Variants in KLRG1 observed in about 807,000 individuals in gnomAD.
KLRG1 encodes killer cell lectin like receptor G1, also known as killer cell lectin-like receptor subfamily G member 1.
KLRG1 carries 16 observed loss-of-function variants against 21.8 expected under a neutral mutation model. The observed-to-expected ratio is 0.73, with a 90% CI of 0.50 to 1.11. The LOEUF is 1.11. KLRG1 is among the 50% of genes most tolerant of loss of function. The pLI is 0.00. For missense variants in KLRG1, 173 were observed against 218.3 expected (o/e 0.79, Z 1.31); for synonymous variants, 69 against 75.9 (o/e 0.91, Z 0.47).
the KLRG1 span, among the ~76,000 whole-genome samples, chr12:9,114,896 A>T: frequency 1.1e-4 from 16 of 152,334 alleles, no homozygotes; most frequent in Non-Finnish European, 2.1e-4. Context: ...AATACAAAGT[A>T]TGATTCATAC....
chr12:8,966,396 C>T (rs1946473065), intron 1 of KLRG1, among the ~76,000 whole-genome samples: 1 of 152,026 alleles, frequency 6.6e-6, no homozygotes, highest in Non-Finnish European at 1.5e-5. Context: ...TCAGAGTGAA[C>T]AGGCAACCTA....
At chr12:9,112,601 T>C in the KLRG1 span, 11 of 1,571,858 alleles carry the variant, frequency 7.0e-6, no homozygotes, top group Non-Finnish European at 8.7e-6. Context: ...CTATTTGCTG[T>C]TGCACTCTTC....
chr12:8,967,412 A>T (rs951280944), intron 1 of KLRG1, among the ~76,000 whole-genome samples: 1 of 152,190 alleles, frequency 6.6e-6, no homozygotes, highest in Non-Finnish European at 1.5e-5. Flanking sequence ...TTTAATTTTT[A>T]AAGATATCTC....
chr12:8,986,232 T>C (rs1174287657), upstream of KLRG1, among the ~76,000 whole-genome samples: 1 of 152,208 alleles, frequency 6.6e-6, no homozygotes, highest in Non-Finnish European at 1.5e-5. Flanking sequence ...CAGTGAACCC[T>C]GTTCATGTGG....
chr12:8,999,482 C>T (rs557566576), intron 3 of KLRG1, among the ~76,000 whole-genome samples: 5 of 152,188 alleles, frequency 3.3e-5, no homozygotes, highest in Admixed American at 6.5e-5. Flanking sequence ...TGGGATTCCC[C>T]GAGCTTTTGA....
At chr12:9,179,465 A>G in the KLRG1 span, among the ~76,000 whole-genome samples, 1 of 152,218 alleles carries the variant, frequency 6.6e-6, no homozygotes. Context: ...TAATATAACT[A>G]TAGTCAAAAG....
At chr12:9,123,121 A>G in the KLRG1 span, among the ~76,000 whole-genome samples, 1 of 152,202 alleles carries the variant, frequency 6.6e-6, no homozygotes, top group Admixed American at 6.5e-5. Context: ...TTTAGGACAT[A>G]ATTTTATAAA....
At chr12:8,971,388 CTTAT>C (rs142447135) in intron 1 of KLRG1, among the ~76,000 whole-genome samples, 28,733 of 151,860 alleles carry the variant, frequency 0.19, 3,243 homozygotes, top group Admixed American at 0.28. Flanking sequence ...ATAACATTAC[CTTAT>C]TATACTTTTA....
the KLRG1 span, among the ~76,000 whole-genome samples, chr12:9,046,158 GCTGAGGAAAGAATCAGTGAGCTT>G: frequency 6.6e-6 from 1 of 152,148 alleles, no homozygotes; most frequent in African/African-American, 2.4e-5. Context: ...TCTGGACATG[GCTGAGGAAAGAATCAGTGAGCTT>G]GAAACTGAAA....
the KLRG1 span, chr12:9,079,533 T>G: frequency 1.7e-6 from 2 of 1,151,812 alleles, no homozygotes; most frequent in Non-Finnish European, 2.5e-6. Flanking sequence ...GCAGCTATCA[T>G]AGTGAGCTAA....
chr12:8,977,207 ATT>A (rs34727740), intron 1 of KLRG1, among the ~76,000 whole-genome samples: 157 of 142,058 alleles, frequency 1.1e-3, no homozygotes, highest in Middle Eastern at 3.6e-3. Flanking sequence ...CTAGCTACTG[ATT>A]TTTTTTTTTT....
At chr12:9,115,892 C>T in the KLRG1 span, 5 of 1,478,690 alleles carry the variant, frequency 3.4e-6, no homozygotes, top group East Asian at 1.1e-4. Flanking sequence ...CTGTATTGTA[C>T]CCTACTCCCT....
At chr12:9,072,985 T>C in the KLRG1 span, 1 of 710,994 alleles carries the variant, frequency 1.4e-6, no homozygotes, top group Non-Finnish European at 2.3e-6. Context: ...CCTCACTACT[T>C]AAATATAGGA....
At chr12:9,205,135 AT>A in the KLRG1 span, among the ~76,000 whole-genome samples, 4 of 152,170 alleles carry the variant, frequency 2.6e-5, no homozygotes, top group African/African-American at 7.2e-5. Context: ...TAAAAGTCAT[AT>A]TATTTTGAAA....
At chr12:9,175,024 A>C in the KLRG1 span, among the ~76,000 whole-genome samples, 1 of 152,238 alleles carries the variant, frequency 6.6e-6, no homozygotes, top group Non-Finnish European at 1.5e-5. Flanking sequence ...AGCAAGAAGA[A>C]CAAAGCTGGA....
At chr12:9,017,490 A>G in the KLRG1 span, among the ~76,000 whole-genome samples, 1 of 152,140 alleles carries the variant, frequency 6.6e-6, no homozygotes, top group Non-Finnish European at 1.5e-5. Context: ...GATACATCAT[A>G]TCAACAGAAT....
chr12:9,120,103 C>T, the KLRG1 span, among the ~76,000 whole-genome samples: 1 of 152,156 alleles, frequency 6.6e-6, no homozygotes, highest in South Asian at 2.1e-4. Context: ...CATTCTGATC[C>T]TTACTATACC....
the KLRG1 span, among the ~76,000 whole-genome samples, chr12:9,143,658 G>T: frequency 2.0e-5 from 3 of 152,200 alleles, no homozygotes; most frequent in Admixed American, 2.0e-4. Flanking sequence ...AAGTTGTCAA[G>T]GTCCCTGAGA....
chr12:8,961,841 A>G (rs1376385529), intron 1 of KLRG1, among the ~76,000 whole-genome samples: 1 of 152,166 alleles, frequency 6.6e-6, no homozygotes, highest in African/African-American at 2.4e-5. Flanking sequence ...ATCCCAGCGC[A>G]TTGAGTGTCC....
Sources: allele counts gnomAD v4.1 joint callset (sites outside exome capture counted in the v4.1 genomes callset), GRCh38; gene constraint gnomAD v4.1.1; transcripts MANE v1.5; gene names NCBI Gene and HGNC (gene_info 2026-07-23, HGNC 2026-07-21).